TTC28: variants seen among roughly 807,000 people sequenced by gnomAD.
TTC28 encodes tetratricopeptide repeat domain 28, also known as tetratricopeptide repeat protein 28.
In TTC28, 61 loss-of-function variants were observed where a neutral mutation model predicts 198.0. The ratio of observed to expected loss-of-function variants is 0.31; its 90% CI spans 0.25 to 0.38. The LOEUF is 0.38. Ranked by LOEUF, TTC28 falls within the 10% of genes least tolerant of loss-of-function variation. The pLI is 1.00. For missense variants in TTC28, 2,678 were observed against 3,164.0 expected (o/e 0.85, Z 3.69); for synonymous variants, 1,171 against 1,297.8 (o/e 0.90, Z 2.10).
chr22:28,547,570 T>G (rs1380365829), intron 2 of TTC28, among the ~76,000 whole-genome samples: 1 of 152,162 alleles, frequency 6.6e-6, no homozygotes, highest in East Asian at 1.9e-4. Context: ...CCCCAGTCAA[T>G]GAATCTAGTA....
At chr22:28,144,163 T>G (rs1323549720) in intron 6 of TTC28, among the ~76,000 whole-genome samples, 1 of 152,198 alleles carries the variant, frequency 6.6e-6, no homozygotes, top group African/African-American at 2.4e-5. Context: ...CACCCTTCAT[T>G]GCTATCCTAG....
intron 2 of TTC28, among the ~76,000 whole-genome samples, chr22:28,386,056 C>T (rs1370374514): frequency 6.6e-6 from 1 of 151,574 alleles, no homozygotes; most frequent in Non-Finnish European, 1.5e-5. Context: ...GCGGGCGGAT[C>T]ACGAGGTCAG....
intron 1 of TTC28, among the ~76,000 whole-genome samples, chr22:28,652,502 A>G (rs1031104287): frequency 6.6e-6 from 1 of 152,238 alleles, no homozygotes; most frequent in Non-Finnish European, 1.5e-5. Flanking sequence ...TTAAAGGAAC[A>G]TCAATGATAA....
intron 2 of TTC28, among the ~76,000 whole-genome samples, chr22:28,413,064 T>A (rs772612497): frequency 3.9e-5 from 6 of 152,196 alleles, no homozygotes; most frequent in African/African-American, 1.4e-4. Flanking sequence ...ATCTAATGCC[T>A]AGGAGCACAT....
intron 12 of TTC28, among the ~76,000 whole-genome samples, chr22:28,088,488 C>T (rs940208211): frequency 2.0e-5 from 3 of 151,698 alleles, no homozygotes; most frequent in African/African-American, 7.3e-5. Context: ...GGATCCCTTC[C>T]TTACACCTTA....
intron 1 of TTC28, among the ~76,000 whole-genome samples, chr22:28,655,629 C>T (rs559960369): frequency 3.1e-3 from 472 of 152,248 alleles, no homozygotes; most frequent in Non-Finnish European, 5.1e-3. Flanking sequence ...TTTGGGAGGC[C>T]CAGGCGGGCG....
At chr22:28,382,835 T>C (rs577156085) in intron 2 of TTC28, among the ~76,000 whole-genome samples, 1 of 152,342 alleles carries the variant, frequency 6.6e-6, no homozygotes, top group East Asian at 1.9e-4. Context: ...TAAATATGTA[T>C]GTATGCACCT....
chr22:28,558,412 G>A (rs375604832), intron 2 of TTC28, among the ~76,000 whole-genome samples: 4 of 152,190 alleles, frequency 2.6e-5, no homozygotes, highest in Admixed American at 2.6e-4. Context: ...AGTGGCTCAC[G>A]CCTGTAATCC....
intron 5 of TTC28, among the ~76,000 whole-genome samples, chr22:28,294,585 C>A (rs1003057382): frequency 6.6e-6 from 1 of 151,532 alleles, no homozygotes; most frequent in African/African-American, 2.4e-5. Context: ...TCTTTCCCCC[C>A]CAAGATGGAG....
chr22:28,437,801 T>C (rs1401200423), intron 2 of TTC28, among the ~76,000 whole-genome samples: 2 of 152,086 alleles, frequency 1.3e-5, no homozygotes, highest in Non-Finnish European at 1.5e-5. Context: ...CCATGTTCCC[T>C]AGGCTAGACA....
intron 5 of TTC28, among the ~76,000 whole-genome samples, chr22:28,228,857 T>C (rs1041922362): frequency 1.3e-5 from 2 of 152,136 alleles, no homozygotes; most frequent in Non-Finnish European, 2.9e-5. Context: ...TTCTCGATTG[T>C]TTAAAAAACT....
intron 5 of TTC28, among the ~76,000 whole-genome samples, chr22:28,271,926 T>TCC (rs1193469927): frequency 2.0e-5 from 3 of 151,954 alleles, no homozygotes; most frequent in Non-Finnish European, 4.4e-5. Context: ...TATAAGGGTT[T>TCC]CCCCTTTTGC....
At chr22:28,065,637 C>T (rs1046986326) in intron 12 of TTC28, among the ~76,000 whole-genome samples, 2 of 152,184 alleles carry the variant, frequency 1.3e-5, no homozygotes, top group African/African-American at 4.8e-5. Flanking sequence ...AGTGTCACAG[C>T]CTCAGGTGCC....
At chr22:28,173,153 A>C (rs1211503027) in intron 5 of TTC28, among the ~76,000 whole-genome samples, 1 of 152,192 alleles carries the variant, frequency 6.6e-6, no homozygotes, top group Non-Finnish European at 1.5e-5. Context: ...CAGGAAATAA[A>C]GTCCGGTATT....
intron 2 of TTC28, among the ~76,000 whole-genome samples, chr22:28,533,969 C>A (rs1301642039): frequency 6.6e-6 from 1 of 152,098 alleles, no homozygotes; most frequent in Non-Finnish European, 1.5e-5. Context: ...AGAAGAAAAC[C>A]TAGGCAATAC....
chr22:28,572,821 TAA>T (rs921728474), intron 2 of TTC28, among the ~76,000 whole-genome samples: 36 of 152,148 alleles, frequency 2.4e-4, no homozygotes, highest in African/African-American at 5.8e-4. Context: ...GCTATGCCTA[TAA>T]GTTTTATGTA....
intron 6 of TTC28, among the ~76,000 whole-genome samples, chr22:28,137,522 G>C (rs1024475857): frequency 1.3e-5 from 2 of 152,082 alleles, no homozygotes; most frequent in African/African-American, 4.8e-5. Context: ...TAGTTCTCTT[G>C]GAGGGCCCTC....
At chr22:28,657,988 C>A (rs1264626208) in intron 1 of TTC28, among the ~76,000 whole-genome samples, 1 of 152,084 alleles carries the variant, frequency 6.6e-6, no homozygotes, top group South Asian at 2.1e-4. Flanking sequence ...TACATTAAAA[C>A]TTTGCATAAA....
rs776143532 is a variant in TTC28, at chr22:28,107,365, A to G, written c.2480T>C (p.Leu827Pro). Residue 827 changes from leucine (L) to proline (P), a missense_variant, in exon 7 of 23, where the codon CTG becomes CCG. Coordinates refer to ENST00000397906, the MANE Select transcript of TTC28 (RefSeq NM_001145418.2). ...YEEQLDLGQK[L>P]KDPSLEAQVY... ...CTGGGCTTCCAGACTCGGATCCTTC[A>G]GCTTTTGCCCTAGATCCAGTTGCTC... The G allele has an allele frequency of 9.0e-6, 14 of 1,551,766 alleles. No homozygotes were observed. The highest frequency in any genetic ancestry group is 1.2e-5 in the Non-Finnish European group (14 of 1,147,048).
Sources: allele counts gnomAD v4.1 joint callset (sites outside exome capture counted in the v4.1 genomes callset), GRCh38; gene constraint gnomAD v4.1.1; transcripts MANE v1.5; gene names NCBI Gene and HGNC (gene_info 2026-07-23, HGNC 2026-07-21).